Variants in MORC3 observed in about 807,000 individuals in gnomAD.
MORC3 encodes MORC family CW-type zinc finger 3.
A neutral mutation model predicts 109.1 loss-of-function variants in MORC3; 31 were observed. The ratio of observed to expected loss-of-function variants is 0.28; its 90% CI spans 0.21 to 0.38. MORC3 has a LOEUF of 0.38. MORC3 is among the 10% of genes least tolerant of loss of function. The pLI, the probability that MORC3 is intolerant of heterozygous loss-of-function variation, is 1.00. For synonymous variants in MORC3, 395 were observed against 380.7 expected (o/e 1.04, Z -0.44); for missense variants, 867 against 1,135.8 (o/e 0.76, Z 3.40).
chr21:36,338,982 G>A, intron 5 of MORC3, 61 bp downstream of exon 5: 1 of 1,552,856 alleles, frequency 6.4e-7, no homozygotes, highest in Non-Finnish European at 8.9e-7. Flanking sequence ...GGGTGGTGGT[G>A]TTATATTCAT....
At chr21:36,326,208 A>G (rs988990454) in intron 1 of MORC3, among the ~76,000 whole-genome samples, 2 of 151,476 alleles carry the variant, frequency 1.3e-5, no homozygotes, top group African/African-American at 4.9e-5. Flanking sequence ...ACTTATTCTC[A>G]AACAAAAAAA....
intron 9 of MORC3, among the ~76,000 whole-genome samples, chr21:36,355,579 A>C (rs767313976): frequency 6.6e-6 from 1 of 152,170 alleles, no homozygotes; most frequent in Non-Finnish European, 1.5e-5. Flanking sequence ...ATCCTGGTTT[A>C]TGCTCCTCTT....
In MORC3 at chr21:36,333,634, T is replaced by C. The variant is rs756955174; in HGVS notation, c.40-12T>C. On this transcript the variant is annotated splice_polypyrimidine_tract_variant and intron_variant, in intron 1 of 16. Coordinates refer to ENST00000400485, the MANE Select transcript of MORC3 (RefSeq NM_015358.3). ...CCTGAATTAATTTACATGGACCTTT[T>C]GTTTGTTTCAGCTTTGCCCGAAGTT... 2 of 1,605,826 alleles carry C rather than the reference T, an allele frequency of 1.2e-6. No individual in the cohort carries two copies. The highest frequency in any genetic ancestry group is 4.5e-5 in the East Asian group (2 of 44,834).
chr21:36,323,187 A>G (rs1042804358), intron 1 of MORC3, among the ~76,000 whole-genome samples: 1 of 152,040 alleles, frequency 6.6e-6, no homozygotes, highest in Admixed American at 6.6e-5. Context: ...TCTGTCTGGA[A>G]ATTTCCTTCC....
chr21:36,370,633 ATATATATTTTTTTTTTTTT>A (rs1489950612), intron 15 of MORC3, among the ~76,000 whole-genome samples: 14 of 46,472 alleles, frequency 3.0e-4, no homozygotes, highest in East Asian at 7.2e-4. Flanking sequence ...ATATATATAT[ATATATATTTTTTTTTTTTT>A]TTTTTTTTTT....
At chr21:36,343,032 TAAAAA>T (rs1277748715) in intron 6 of MORC3, among the ~76,000 whole-genome samples, 1 of 150,858 alleles carries the variant, frequency 6.6e-6, no homozygotes, top group African/African-American at 2.4e-5. Context: ...AAAATAAAAA[TAAAAA>T]AAAGATTGGA....
At chr21:36,354,145 G>A (rs964736826) in intron 9 of MORC3, among the ~76,000 whole-genome samples, 18 of 151,934 alleles carry the variant, frequency 1.2e-4, no homozygotes. Flanking sequence ...AGTGGAAGTG[G>A]TTCATATGTC....
At chr21:36,365,404 G>A (rs118105408) in intron 14 of MORC3, among the ~76,000 whole-genome samples, 3,774 of 152,284 alleles carry the variant, frequency 0.025, 66 homozygotes, top group Admixed American at 0.046. Context: ...TTTGTTATTC[G>A]AAGAGGAACA....
At chr21:36,328,952 T>TACA (rs1234231014) in intron 1 of MORC3, among the ~76,000 whole-genome samples, 1 of 148,484 alleles carries the variant, frequency 6.7e-6, no homozygotes, top group Non-Finnish European at 1.5e-5. Flanking sequence ...GCTGATGAAC[T>TACA]ACAACAACAA....
rs145454501 is a variant in MORC3, at chr21:36,327,398, C to T, written c.40-6248C>T. ...GTCTCCTAACCTCAAGTGTTCTGCC[C>T]GCCTCAGCCTCCCAAAGTGCTGGGA... On this transcript the variant is annotated intron_variant, in intron 1 of 16. Transcript: ENST00000400485. Among the ~76,000 whole-genome samples, 86 of 149,602 alleles carry T rather than the reference C, an allele frequency of 5.7e-4. 1 individual carries two copies. Among genetic ancestry groups the T allele is most frequent in the East Asian group, 2.7e-3 (14 of 5,156 alleles).
chr21:36,334,054 T>C (rs1193416340), intron 2 of MORC3, among the ~76,000 whole-genome samples: 1 of 152,104 alleles, frequency 6.6e-6, no homozygotes, highest in Non-Finnish European at 1.5e-5. Flanking sequence ...CCCAAAGTGC[T>C]GGGATTACAG....
At chr21:36,328,901 T>A (rs2085279932) in intron 1 of MORC3, among the ~76,000 whole-genome samples, 1 of 100,564 alleles carries the variant, frequency 9.9e-6, no homozygotes. Flanking sequence ...CGATAGCTGA[T>A]GAGGTAAAAA....
At position 36,332,944 on chromosome 21, in the gene MORC3, C is replaced by T. The variant is rs147251902; in HGVS notation, c.40-702C>T. 6.1e-3 allele frequency among the ~76,000 whole-genome samples: 934 copies of T among 152,128 alleles called. 9 individuals are homozygous for T. Among genetic ancestry groups the T allele is most frequent in the African/African-American group, 0.022 (893 of 41,486 alleles). ...CTGGGACTACAGGCGCCCATCACCA[C>T]GCCCAGGTACTTTTTTTGTATTTTT... is the stretch of plus-strand genomic sequence containing the variant. On this transcript the variant is annotated intron_variant, in intron 1 of 16. Coordinates refer to ENST00000400485, the MANE Select transcript of MORC3 (RefSeq NM_015358.3).
intron 16 of MORC3, among the ~76,000 whole-genome samples, 164 bp downstream of exon 16, chr21:36,372,695 A>G (rs898405201): frequency 1.3e-5 from 2 of 152,248 alleles, no homozygotes; most frequent in African/African-American, 4.8e-5. Context: ...GTGACACTTC[A>G]TTATCCTTCC....
chr21:36,321,843 G>T (rs1451838831), intron 1 of MORC3, among the ~76,000 whole-genome samples: 1 of 152,068 alleles, frequency 6.6e-6, no homozygotes, highest in Non-Finnish European at 1.5e-5. Context: ...CTCCCTTCCC[G>T]CCCCCAGGCC....
chr21:36,360,050 G>A lies in MORC3; in HGVS notation c.1304G>A (p.Cys435Tyr). The A allele has an allele frequency of 6.2e-7, 1 of 1,614,170 alleles. No homozygotes were observed. The highest frequency in any genetic ancestry group is 2.2e-5 in the East Asian group (1 of 44,882). The change falls in exon 11 of 17, where the codon TGC becomes TAC. Residue 435 changes from cysteine to tyrosine, a missense_variant. This residue lies in a region of MORC3 where 120 missense variants were observed against 259.7 expected (regional missense o/e 0.46). Coordinates refer to ENST00000400485, the MANE Select transcript of MORC3 (RefSeq NM_015358.3). ...GMDQLPEKWY[C>Y]SNNPDPQFRN... ...GATCAACTTCCTGAAAAATGGTATT[G>A]CTCCAATAACCCTGACCCACAGTTC...
At chr21:36,355,328 G>A (rs974519834) in intron 9 of MORC3, among the ~76,000 whole-genome samples, 4 of 152,122 alleles carry the variant, frequency 2.6e-5, no homozygotes, top group Admixed American at 6.6e-5. Flanking sequence ...ACTGTAAAAG[G>A]CAGTCCTTTA....
chr21:36,360,056 A>G lies in MORC3; in HGVS notation c.1310A>G (p.Asn437Ser), dbSNP rs1328876086. Residue 437 changes from asparagine (N) to serine (S), a missense_variant, in exon 11 of 17, where the codon AAT (asparagine) becomes AGT (serine). Physicochemically the swap from Asn to Ser is conservative, Grantham distance 46 (BLOSUM62 1). This residue lies in a region of MORC3 where 120 missense variants were observed against 259.7 expected (regional missense o/e 0.46). Transcript: ENST00000400485. Reference sequence around the variant, plus strand: ...CTTCCTGAAAAATGGTATTGCTCCAATAACCCTGACCCACAGTTCAGGTAC... The same window carrying G: ...CTTCCTGAAAAATGGTATTGCTCCAGTAACCCTGACCCACAGTTCAGGTAC... Reference protein sequence around the residue: ...DQLPEKWYCSNNPDPQFRNCE... With the variant: ...DQLPEKWYCSSNPDPQFRNCE... 1 of 1,614,212 alleles carries G rather than the reference A, an allele frequency of 6.2e-7. No individual in the cohort carries two copies. Among genetic ancestry groups the G allele is most frequent in the South Asian group, 1.1e-5 (1 of 91,088 alleles).
chr21:36,333,930 C>G (rs925132016), intron 2 of MORC3, among the ~76,000 whole-genome samples: 4 of 151,824 alleles, frequency 2.6e-5, no homozygotes, highest in African/African-American at 9.7e-5. Flanking sequence ...CTACAGGCAC[C>G]TGCCACCACG....
Sources: gnomAD v4.1 joint callset for allele counts (sites outside exome capture counted in the v4.1 genomes callset) on GRCh38, gnomAD v4.1.1 for gene constraint, gnomAD v4.1.1 regional missense constraint, MANE v1.5 for transcripts, NCBI Gene and HGNC (gene_info 2026-07-23, HGNC 2026-07-21) for gene names.